The following MBP variants were observed in gnomAD, a reference collection of about 807,000 sequenced individuals.
MBP encodes the protein Golli-MBP.
MBP carries 16 observed loss-of-function variants against 35.8 expected under a neutral mutation model. The ratio of observed to expected loss-of-function variants is 0.45; its 90% confidence interval spans 0.30 to 0.68. MBP has a LOEUF of 0.68. MBP is among the 30% of genes least tolerant of loss of function. The probability of loss-of-function intolerance (pLI) is 0.08; values close to 1 mark genes in which losing one functional copy is unlikely to be tolerated. For missense variants in MBP, 380 were observed against 404.7 expected (o/e 0.94, Z 0.52); for synonymous variants, 143 against 159.6 (o/e 0.90, Z 0.78).
intron 3 of MBP, among the ~76,000 whole-genome samples, chr18:77,040,011 T>C (rs548828734): frequency 6.6e-6 from 1 of 152,330 alleles, no homozygotes; most frequent in East Asian, 1.9e-4. Context: ...GGAAAATTAC[T>C]CTGGTGATTG....
chr18:77,126,462 G>A (rs1977055026), intron 1 of MBP, among the ~76,000 whole-genome samples: 1 of 152,176 alleles, frequency 6.6e-6, no homozygotes, highest in South Asian at 2.1e-4. Flanking sequence ...AAAACTCAGT[G>A]CTTTGCCCTT....
chr18:77,100,233 A>C (rs1364521195), intron 2 of MBP, among the ~76,000 whole-genome samples: 1 of 152,188 alleles, frequency 6.6e-6, no homozygotes, highest in Non-Finnish European at 1.5e-5. Flanking sequence ...ACAGACACAC[A>C]CAGAGAGACG....
At position 77,060,081 on chromosome 18, in the gene MBP, C is replaced by T. The variant is rs183638512; in HGVS notation, c.139+6217G>A. Among the ~76,000 whole-genome samples the T allele has an allele frequency of 3.0e-4, 45 of 152,290 alleles. No homozygotes were observed. The East Asian group carries it at 3.9e-3, about 13-fold the overall frequency. ...CAGCACTTTGGGAGGCTGAGGCCCT[C>T]GTTCCATGTCCTTCTATGTTAAACC... is the stretch of plus-strand genomic sequence containing the variant. On this transcript the variant is annotated intron_variant, in intron 3 of 8. Transcript: ENST00000355994.
intron 1 of MBP, among the ~76,000 whole-genome samples, chr18:77,119,556 G>A (rs1237886197): frequency 3.9e-5 from 6 of 152,160 alleles, no homozygotes; most frequent in African/African-American, 7.2e-5. Flanking sequence ...CTGTCAAGTG[G>A]ATGAGAGAAT....
chr18:77,116,365 G>A (rs1976660422), intron 1 of MBP, among the ~76,000 whole-genome samples: 2 of 152,214 alleles, frequency 1.3e-5, no homozygotes, highest in South Asian at 4.1e-4. Context: ...AACTTCGCAG[G>A]ACACATTAGA....
At chr18:77,029,106 C>T (rs3943395) in intron 3 of MBP, among the ~76,000 whole-genome samples, 9,035 of 74,176 alleles carry the variant, frequency 0.12, 1,315 homozygotes, top group Middle Eastern at 0.19. Context: ...GCCACTGCAC[C>T]CCAGCCTGGG....
intron 7 of MBP, chr18:76,987,406 A>C (rs1287351208): frequency 1.0e-6 from 1 of 985,298 alleles, no homozygotes; most frequent in African/African-American, 1.7e-5. Context: ...TTAATGGAAA[A>C]CGTTTCGGTA....
At chr18:76,986,648 G>A (rs139547796) in intron 7 of MBP, 15 of 985,524 alleles carry the variant, frequency 1.5e-5, no homozygotes, top group East Asian at 1.1e-4. Flanking sequence ...AGCCAGCCTC[G>A]CTCTTGCGTC....
At chr18:77,076,783 T>A (rs1974668910) in intron 2 of MBP, among the ~76,000 whole-genome samples, 1 of 152,072 alleles carries the variant, frequency 6.6e-6, no homozygotes, top group African/African-American at 2.4e-5. Context: ...ACACACCTGA[T>A]TCCAGCAAGT....
intron 3 of MBP, among the ~76,000 whole-genome samples, chr18:77,047,852 A>T (rs1234266701): frequency 6.6e-6 from 1 of 152,204 alleles, no homozygotes; most frequent in Non-Finnish European, 1.5e-5. Context: ...ATTTACCAGA[A>T]CAGGCCAGTG....
chr18:77,078,542 TCTCA>T (rs1163104785), intron 2 of MBP, among the ~76,000 whole-genome samples: 1 of 152,348 alleles, frequency 6.6e-6, no homozygotes, highest in Admixed American at 6.5e-5. Context: ...TGTTTACTGC[TCTCA>T]CTATCTTTGC....
At chr18:77,065,982 C>G (rs1974178825) in intron 3 of MBP, 1 of 269,200 alleles carries the variant, frequency 3.7e-6, no homozygotes, top group African/African-American at 2.2e-5. Flanking sequence ...TTCAGCCTCC[C>G]AAGTATCTGG....
intron 2 of MBP, among the ~76,000 whole-genome samples, chr18:77,093,814 G>A (rs1411961772): frequency 6.6e-6 from 1 of 152,174 alleles, no homozygotes; most frequent in African/African-American, 2.4e-5. Flanking sequence ...GCACGCTCAC[G>A]CCTTAGGGGA....
chr18:76,983,419 C>T (rs1211347329), intron 8 of MBP: 4 of 152,274 alleles, frequency 2.6e-5, no homozygotes, highest in Non-Finnish European at 5.9e-5. Context: ...GGGGCGGGGC[C>T]GTCCTGACTG....
intron 1 of MBP, among the ~76,000 whole-genome samples, chr18:77,119,489 C>T (rs937219671): frequency 6.6e-6 from 1 of 152,038 alleles, no homozygotes; most frequent in African/African-American, 2.4e-5. Context: ...AGTAGGCACA[C>T]AATACCCAGC....
intron 2 of MBP, among the ~76,000 whole-genome samples, chr18:77,074,103 G>C (rs762407958): frequency 2.6e-5 from 4 of 152,224 alleles, no homozygotes; most frequent in Non-Finnish European, 5.9e-5. Context: ...GGTTGCTTCT[G>C]ATCTGAACAC....
intron 4 of MBP, among the ~76,000 whole-genome samples, chr18:77,008,122 G>A (rs903706641): frequency 1.3e-5 from 2 of 152,114 alleles, no homozygotes; most frequent in Non-Finnish European, 2.9e-5. Context: ...GGGCCAAGCC[G>A]CTACCTGCCA....
At chr18:76,999,177 C>T (rs1375971620) in intron 4 of MBP, among the ~76,000 whole-genome samples, 7 of 151,934 alleles carry the variant, frequency 4.6e-5, no homozygotes, top group Middle Eastern at 3.4e-3. Flanking sequence ...GAGGGGAGGA[C>T]GCAAGCTGGG....
chr18:77,105,351 TC>T, intron 1 of MBP, 65 bp from the exon 2 acceptor site: 1 of 1,054,302 alleles, frequency 9.5e-7, no homozygotes, highest in Admixed American at 1.7e-5. Flanking sequence ...ATGTTGTTTT[TC>T]CATCAGAAAG....
Sources: allele counts gnomAD v4.1 joint callset (sites outside exome capture counted in the v4.1 genomes callset), GRCh38; gene constraint gnomAD v4.1.1; transcripts MANE v1.5; gene names NCBI Gene and HGNC (gene_info 2026-07-23, HGNC 2026-07-21).